Variants in GGCX observed in about 807,000 individuals in gnomAD.
The protein encoded by GGCX is gamma-glutamyl carboxylase.
In GGCX, 63 loss-of-function variants were observed where a neutral mutation model predicts 88.5. The ratio of observed to expected loss-of-function variants is 0.71; its 90% confidence interval spans 0.58 to 0.88. The LOEUF (loss-of-function observed/expected upper bound fraction) is 0.88. Ranked by LOEUF, GGCX falls within the 40% of genes least tolerant of loss-of-function variation. The pLI is 0.00. For synonymous variants in GGCX, 368 were observed against 365.8 expected, an observed-to-expected ratio of 1.01 and a Z score of -0.07; for missense variants, 805 against 932.9, an observed-to-expected ratio of 0.86 and a Z score of 1.79.
chr2:85,558,987 G>A lies in GGCX; in HGVS notation c.303C>T (p.Phe101=), dbSNP rs773839233. ...GTGGGCGTAGGGCATCCAGCAAGGG[G>A]AAGCGGCACACATCCAGCCCATCAA... ...KYLDGLDVCR[F]PLLDALRPLP... is the part of the protein sequence containing the mutation. The change falls in exon 3 of 15, where the codon TTC becomes TTT. Residue 101 remains phenylalanine, a synonymous_variant. Transcript: ENST00000233838. 1.4e-5 allele frequency: 23 copies of A among 1,613,694 alleles called. No homozygotes were observed. The highest frequency in any genetic ancestry group is 1.8e-5 in the Non-Finnish European group (21 of 1,179,714).
chr2:85,555,220 A>C (rs551522125), intron 6 of GGCX: 1 of 379,074 alleles, frequency 2.6e-6, no homozygotes, highest in East Asian at 6.0e-5. Context: ...CTCACTCACC[A>C]AGTCAGCCAG....
rs1432894049 is a variant in GGCX, at chr2:85,545,991, G to A, written c.*3943C>T. The A allele has an allele frequency of 1.3e-5, 2 of 152,200 alleles. No individual in the cohort carries two copies. Among genetic ancestry groups the A allele is most frequent in the Non-Finnish European group, 2.9e-5 (2 of 68,048 alleles). 9.4% of individuals were successfully genotyped at this position (152,200 alleles called of 1,614,324 possible). Reference sequence around the variant, plus strand: ...CAGACCACACTGCTCTTGAACCTAGGAGCTACATGCATAGAGAATAGCCAC... The same window carrying A: ...CAGACCACACTGCTCTTGAACCTAGAAGCTACATGCATAGAGAATAGCCAC... On this transcript the variant is annotated 3_prime_UTR_variant, in exon 15 of 15. Coordinates refer to ENST00000233838, the MANE Select transcript of GGCX (RefSeq NM_000821.7).
chr2:85,550,635 C>A lies in GGCX; in HGVS notation c.2004G>T (p.Glu668Asp). The change falls in exon 14 of 15, where the codon GAG becomes GAT. Residue 668 changes from glutamate to aspartate, a missense_variant. Physicochemically the swap from Glu to Asp is conservative, Grantham distance 45 (BLOSUM62 2). Transcript: ENST00000233838. ...AAGGAGTATTTCGCCGGCGTTCAAT[C>A]TCCTGGAGCCTTTGTTGGCGTCTAA... Reference protein sequence around the residue: ...TFLRRQQRLQEIERRRNTPFH... With the variant: ...TFLRRQQRLQDIERRRNTPFH... The A allele has an allele frequency of 1.2e-6, 2 of 1,614,106 alleles. No individual in the cohort carries two copies. Among genetic ancestry groups the A allele is most frequent in the Middle Eastern group, 1.7e-4 (1 of 6,060 alleles).
rs532034095 is a variant in GGCX, at chr2:85,546,142, G to A, written c.*3792C>T. On this transcript the variant is annotated 3_prime_UTR_variant, in exon 15 of 15. Coordinates refer to ENST00000233838, the MANE Select transcript of GGCX (RefSeq NM_000821.7). Reference sequence around the variant, plus strand: ...AAACTTGGAAATTTGGAGGCCAGGCGGAGTGGCCTGTAATATAGGCCACTA... The same window carrying A: ...AAACTTGGAAATTTGGAGGCCAGGCAGAGTGGCCTGTAATATAGGCCACTA... 2 of 152,324 alleles carry A rather than the reference G, an allele frequency of 1.3e-5. No individual in the cohort carries two copies. Among genetic ancestry groups the A allele is most frequent in the South Asian group, 4.1e-4 (2 of 4,826 alleles). 9.4% of individuals were successfully genotyped at this position (152,324 alleles called of 1,614,324 possible).
In GGCX at chr2:85,561,469, T is replaced by C; in HGVS notation, c.-41A>G. ...GCAGGTGGGTCACAGCTGCCGCGTC[T>C]GAACGGAGGCCGCCAGGAGAATTTG... On this transcript the variant is annotated 5_prime_UTR_variant, in exon 1 of 15. Transcript: ENST00000233838. 1.4e-6 allele frequency: 2 copies of C among 1,481,084 alleles called. No individual in the cohort carries two copies. Among genetic ancestry groups the C allele is most frequent in the Non-Finnish European group, 1.8e-6 (2 of 1,081,554 alleles). 91.7% of individuals were successfully genotyped at this position (1,481,084 alleles called of 1,614,324 possible). A position where few individuals can be genotyped will look rare whatever the true frequency, so the allele number is the denominator to read the frequency against.
In GGCX at chr2:85,546,161, GCCAC is replaced by G. The variant is rs1691652165; in HGVS notation, c.*3769_*3772del. Reference sequence around the variant, plus strand: ...CCAGGCGGAGTGGCCTGTAATATAGGCCACTATATAGTAATATAGGCGTGAGCCT... The same window carrying G: ...CCAGGCGGAGTGGCCTGTAATATAGGTATATAGTAATATAGGCGTGAGCCT... On this transcript the variant is annotated 3_prime_UTR_variant, in exon 15 of 15. Coordinates refer to ENST00000233838, the MANE Select transcript of GGCX (RefSeq NM_000821.7). 6.6e-6 allele frequency: 1 copy of G among 152,148 alleles called. No homozygotes were observed. Among genetic ancestry groups the G allele is most frequent in the African/African-American group, 2.4e-5 (1 of 41,420 alleles). 9.4% of individuals were successfully genotyped at this position (152,148 alleles called of 1,614,324 possible).
At chr2:85,560,538 G>A (rs1293557606) in intron 2 of GGCX, among the ~76,000 whole-genome samples, 1 of 151,972 alleles carries the variant, frequency 6.6e-6, no homozygotes, top group East Asian at 1.9e-4. Flanking sequence ...GGGTGGCGGA[G>A]GTTACAGTGA....
At chr2:85,555,439 C>G (rs753081051) in intron 6 of GGCX, 45 bp downstream of exon 6, 16 of 969,938 alleles carry the variant, frequency 1.6e-5, no homozygotes, top group Non-Finnish European at 1.7e-6. Flanking sequence ...GTCACCTGCT[C>G]TGTACCCATG....
At chr2:85,554,644 A>T (rs903729679) in intron 6 of GGCX, 4 of 366,040 alleles carry the variant, frequency 1.1e-5, no homozygotes, top group African/African-American at 2.1e-5. Context: ...TTTTTAAAAA[A>T]TTTTTTTGTA....
Position 85,553,483 on chromosome 2 carries a change from C to T in GGCX, c.904G>A (p.Val302Ile), listed in dbSNP as rs373222495. ...AAGAGAGGGCTGCTGGCCAGCATGA[C>T]GTAGGAGAACATACCTAGGAAAGCA... The part of the protein sequence containing the change: ...QLFSIGMFSY[V>I]MLASSPLFCS... Residue 302 changes from valine (V) to isoleucine (I), a missense_variant, in exon 8 of 15, where the codon GTC becomes ATC. Around this residue, in one of 3 missense-constraint regions of GGCX, gnomAD observed 680 missense variants for 763.7 expected, o/e 0.89. Transcript: ENST00000233838. 58 of 1,613,726 alleles carry T rather than the reference C, an allele frequency of 3.6e-5. No homozygotes were observed. In the Middle Eastern group the frequency reaches 5.0e-4, roughly 14 times the overall value.
Position 85,551,070 on chromosome 2 carries a change from C to T in GGCX, c.1743G>A (p.Leu581=), listed in dbSNP as rs56165933. ...QTLREGEKMQ[L]PAGEYHKVYT... is the part of the protein sequence containing the mutation. ...ACACCTTATGGTACTCACCAGCAGGCAACTGACAAGGGAGAAGAAATGGAT... is the reference window on the plus strand; with the variant it reads ...ACACCTTATGGTACTCACCAGCAGGTAACTGACAAGGGAGAAGAAATGGAT... Residue 581 remains leucine (L), a splice_region_variant and synonymous_variant, in exon 13 of 15, where the codon TTG becomes TTA. Transcript: ENST00000233838. The T allele has an allele frequency of 1.6e-3, 2,554 of 1,613,798 alleles. 2 individuals carry two copies. Among genetic ancestry groups the T allele is most frequent in the Non-Finnish European group, 2.0e-3 (2,400 of 1,179,674 alleles).
intron 5 of GGCX, among the ~76,000 whole-genome samples, chr2:85,555,903 A>T (rs1692185427): frequency 6.6e-6 from 1 of 152,226 alleles, no homozygotes; most frequent in Non-Finnish European, 1.5e-5. Context: ...AGTATCAGGC[A>T]CCAAGGAAGA....
Position 85,545,753 on chromosome 2 carries a change from A to G in GGCX, c.*4181T>C, listed in dbSNP as rs944769399. 3.4e-5 allele frequency: 5 copies of G among 148,764 alleles called. No individual in the cohort carries two copies. The highest frequency in any genetic ancestry group is 1.3e-4 in the Admixed American group (2 of 15,186). The allele number at this position is 148,764 out of a possible 1,614,324, so 9.2% of individuals were successfully genotyped here. ...TATTAACCTGGAAGTGGTAATGTCT[A>G]TCTAAAGTCCTGGCAATTTAAGCCT... On this transcript the variant is annotated 3_prime_UTR_variant, in exon 15 of 15. Transcript: ENST00000233838.
chr2:85,560,405 G>A (rs908033991), intron 2 of GGCX, among the ~76,000 whole-genome samples: 1 of 151,994 alleles, frequency 6.6e-6, no homozygotes, highest in Non-Finnish European at 1.5e-5. Context: ...TGGCCAACAT[G>A]GTGAAACCCC....
At chr2:85,559,929 A>G (rs1355046650) in intron 2 of GGCX, among the ~76,000 whole-genome samples, 3 of 152,082 alleles carry the variant, frequency 2.0e-5, no homozygotes, top group Non-Finnish European at 4.4e-5. Flanking sequence ...TATTGAGGGG[A>G]TTATCCAATG....
At chr2:85,553,092 G>C in intron 8 of GGCX, 22 bp from the exon 9 acceptor site, 1 of 1,614,100 alleles carries the variant, frequency 6.2e-7, no homozygotes, top group Non-Finnish European at 8.5e-7. Flanking sequence ...GCACAGAGGG[G>C]AATCAGCTCA....
intron 14 of GGCX, 91 bp downstream of exon 14, chr2:85,550,464 G>T: frequency 2.2e-6 from 2 of 924,022 alleles, no homozygotes; most frequent in Non-Finnish European, 3.6e-6. Flanking sequence ...GTCCTTTCCT[G>T]TATGACAGTC....
chr2:85,558,100 C>T (rs990010471), intron 4 of GGCX, among the ~76,000 whole-genome samples: 4 of 152,180 alleles, frequency 2.6e-5, no homozygotes, highest in African/African-American at 9.7e-5. Flanking sequence ...AAAGTCTGCT[C>T]CCTCTTCTAC....
intron 4 of GGCX, among the ~76,000 whole-genome samples, chr2:85,557,611 T>C (rs1012823114): frequency 3.3e-5 from 5 of 152,136 alleles, no homozygotes; most frequent in African/African-American, 1.2e-4. Context: ...TTTGTATGTG[T>C]GTATTAACAA....
Sources: gnomAD v4.1 joint callset for allele counts (sites outside exome capture counted in the v4.1 genomes callset) on GRCh38, gnomAD v4.1.1 for gene constraint, gnomAD v4.1.1 regional missense constraint, MANE v1.5 for transcripts, NCBI Gene and HGNC (gene_info 2026-07-23, HGNC 2026-07-21) for gene names.